The following TMEM135 variants were observed in gnomAD, a reference collection of about 807,000 sequenced individuals.
The protein encoded by TMEM135 is peroxisomal membrane protein 52.
Under a neutral mutation model 60.3 loss-of-function variants are expected in TMEM135, and 30 were observed. That is an observed-to-expected ratio of 0.50 (90% confidence interval 0.37 to 0.68). The LOEUF is 0.68. Among genes scored for constraint, TMEM135 ranks in the 30% least tolerant of loss-of-function variants. The probability of loss-of-function intolerance (pLI) is 0.00; values close to 1 mark genes in which losing one functional copy is unlikely to be tolerated. For missense variants in TMEM135, 468 were observed against 548.8 expected (o/e 0.85, Z 1.47); for synonymous variants, 190 against 186.7 (o/e 1.02, Z -0.14).
chr11:87,095,024 G>A (rs902136659), intron 4 of TMEM135: 5 of 183,994 alleles, frequency 2.7e-5, no homozygotes, highest in Admixed American at 5.3e-5. Flanking sequence ...GTTCCCGGGG[G>A]TGTTCAATGG....
intron 5 of TMEM135, among the ~76,000 whole-genome samples, chr11:87,167,864 G>C (rs1939104835): frequency 6.6e-6 from 1 of 152,156 alleles, no homozygotes; most frequent in Admixed American, 6.6e-5. Flanking sequence ...GTATTCATCA[G>C]AATAGTTTCA....
At chr11:87,057,994 C>T (rs1424278415) in intron 1 of TMEM135, among the ~76,000 whole-genome samples, 1 of 152,156 alleles carries the variant, frequency 6.6e-6, no homozygotes, top group Non-Finnish European at 1.5e-5. Flanking sequence ...AGCCAGCAGG[C>T]TGTAGACCCA....
chr11:87,108,321 A>C (rs1050145032), intron 4 of TMEM135, among the ~76,000 whole-genome samples: 3 of 152,010 alleles, frequency 2.0e-5, no homozygotes, highest in Non-Finnish European at 2.9e-5. Context: ...GGTGTTTTAG[A>C]CATGAAGTCC....
chr11:87,136,594 G>T (rs962748599), intron 4 of TMEM135, among the ~76,000 whole-genome samples: 4 of 151,590 alleles, frequency 2.6e-5, no homozygotes, highest in African/African-American at 9.7e-5. Flanking sequence ...TTAAATGTTT[G>T]GTAGAATTTA....
intron 5 of TMEM135, among the ~76,000 whole-genome samples, chr11:87,177,520 AGT>A (rs1278551943): frequency 1.3e-5 from 2 of 152,190 alleles, no homozygotes; most frequent in Non-Finnish European, 1.5e-5. Flanking sequence ...ACTCACTGAA[AGT>A]GTGTAATTCA....
intron 3 of TMEM135, among the ~76,000 whole-genome samples, chr11:87,080,489 A>C (rs1856966770): frequency 6.6e-6 from 1 of 152,146 alleles, no homozygotes; most frequent in Admixed American, 6.5e-5. Context: ...AAAGTGTAAA[A>C]TCTTCAACTG....
intron 6 of TMEM135, among the ~76,000 whole-genome samples, chr11:87,279,186 G>T (rs1366758347): frequency 6.6e-6 from 1 of 152,002 alleles, no homozygotes; most frequent in Non-Finnish European, 1.5e-5. Flanking sequence ...ATTAGTAAAT[G>T]ATTGTGTACT....
chr11:87,091,304 T>A, intron 3 of TMEM135, 58 bp from the exon 4 acceptor site: 1 of 1,431,682 alleles, frequency 7.0e-7, no homozygotes, highest in East Asian at 2.3e-5. Context: ...TAATAAATGA[T>A]AAAGTGATTA....
rs549259819 is a variant in TMEM135 at position 87,140,703 on chromosome 11, A to G, written c.397-16638A>G. On this transcript the variant is annotated intron_variant, in intron 4 of 14. Transcript: ENST00000305494. ...TCCCCAATGTAGTATATCTTTGCTC[A>G]AATCAAGATCATAAATGTTTTCTCC... Among the ~76,000 whole-genome samples the G allele has an allele frequency of 2.6e-5, 4 of 152,312 alleles. No individual in the cohort carries two copies. In the East Asian group the frequency reaches 7.7e-4, roughly 29 times the overall value.
intron 1 of TMEM135, among the ~76,000 whole-genome samples, chr11:87,058,615 T>G (rs1390764940): frequency 6.6e-6 from 1 of 151,968 alleles, no homozygotes; most frequent in Non-Finnish European, 1.5e-5. Flanking sequence ...AAAAACAAGG[T>G]CTTATTTTAT....
intron 5 of TMEM135, among the ~76,000 whole-genome samples, chr11:87,212,905 A>G (rs776958914): frequency 6.6e-5 from 10 of 151,990 alleles, no homozygotes; most frequent in Non-Finnish European, 1.5e-4. Context: ...TAATATACAA[A>G]TTTATAGAAA....
chr11:87,063,306 T>C (rs944107551), intron 1 of TMEM135, among the ~76,000 whole-genome samples: 4 of 152,194 alleles, frequency 2.6e-5, no homozygotes, highest in Non-Finnish European at 4.4e-5. Flanking sequence ...ACCATAGTGG[T>C]ATGATGTGCC....
Position 87,238,258 on chromosome 11 carries a change from A to C in TMEM135, c.509+1574A>C, listed in dbSNP as rs935333768. 2.6e-5 allele frequency among the ~76,000 whole-genome samples: 4 copies of C among 151,974 alleles called. No individual in the cohort carries two copies. The East Asian group carries it at 7.7e-4, about 29-fold the overall frequency. On this transcript the variant is annotated intron_variant, in intron 6 of 14. Coordinates refer to ENST00000305494, the MANE Select transcript of TMEM135 (RefSeq NM_022918.4). ...ATTTTTAAACCACCAATTTCCTGCT[A>C]GTATGTCCTAATAAACATTTTATAA...
At chr11:87,246,065 G>A (rs1288114620) in intron 6 of TMEM135, among the ~76,000 whole-genome samples, 2,064 of 142,046 alleles carry the variant, frequency 0.015, 21 homozygotes, top group Non-Finnish European at 0.022. Context: ...AAAATCTCTC[G>A]GCATTTGCTT....
chr11:87,311,746 A>G (rs976776673), intron 10 of TMEM135, among the ~76,000 whole-genome samples: 2 of 152,056 alleles, frequency 1.3e-5, no homozygotes, highest in African/African-American at 2.4e-5. Flanking sequence ...CCCATGCTAT[A>G]GTATCTTTAT....
intron 1 of TMEM135, among the ~76,000 whole-genome samples, chr11:87,044,902 C>T (rs535402692): frequency 6.6e-6 from 1 of 152,236 alleles, no homozygotes; most frequent in South Asian, 2.1e-4. Context: ...CCACCTCAGC[C>T]TCCCAAAGTG....
intron 1 of TMEM135, among the ~76,000 whole-genome samples, chr11:87,064,778 G>A (rs1856616029): frequency 6.6e-6 from 1 of 152,168 alleles, no homozygotes; most frequent in African/African-American, 2.4e-5. Flanking sequence ...CTGCTACTTG[G>A]GAGATTGAGG....
chr11:87,281,055 G>C (rs115234636), intron 6 of TMEM135, among the ~76,000 whole-genome samples: 1,610 of 152,238 alleles, frequency 0.011, 18 homozygotes, highest in African/African-American at 0.037. Flanking sequence ...GTATGTTTAT[G>C]TCTAAATGTA....
chr11:87,099,525 T>C (rs992514436), intron 4 of TMEM135, among the ~76,000 whole-genome samples: 1 of 152,056 alleles, frequency 6.6e-6, no homozygotes, highest in African/African-American at 2.4e-5. Context: ...TTCTCTCCTG[T>C]TGTCACCCCT....
Sources: allele counts gnomAD v4.1 joint callset (sites outside exome capture counted in the v4.1 genomes callset), GRCh38; gene constraint gnomAD v4.1.1; transcripts MANE v1.5; gene names NCBI Gene and HGNC (gene_info 2026-07-23, HGNC 2026-07-21).